Variants in SOX6 observed in about 807,000 individuals in gnomAD.
SOX6 encodes transcription factor SOX-6.
A neutral mutation model predicts 97.8 loss-of-function variants in SOX6; 11 were observed. The ratio of observed to expected loss-of-function variants is 0.11; its 90% confidence interval spans 0.07 to 0.19. The LOEUF (loss-of-function observed/expected upper bound fraction) is 0.19, where lower values mean the gene tolerates loss of function less well. Ranked by LOEUF, SOX6 falls within the 10% of genes least tolerant of loss-of-function variation. The probability of loss-of-function intolerance (pLI) is 1.00; values close to 1 mark genes in which losing one functional copy is unlikely to be tolerated. For synonymous variants in SOX6, 360 were observed against 371.4 expected, an observed-to-expected ratio of 0.97 and a Z score of 0.35; for missense variants, 810 against 1,039.5, an observed-to-expected ratio of 0.78 and a Z score of 3.04.
intron 9 of SOX6, among the ~76,000 whole-genome samples, chr11:16,092,957 A>G (rs1200653931): frequency 1.3e-5 from 2 of 151,906 alleles, no homozygotes; most frequent in African/African-American, 4.8e-5. Flanking sequence ...CTGCCTCATT[A>G]TACTGGTTCC....
chr11:16,399,255 A>T (rs1858473754), intron 1 of SOX6, among the ~76,000 whole-genome samples: 1 of 151,480 alleles, frequency 6.6e-6, no homozygotes, highest in African/African-American at 2.4e-5. Flanking sequence ...ATAAGGGATT[A>T]CTGTAGCTAT....
chr11:16,186,390 G>T (rs1851475626), intron 5 of SOX6, among the ~76,000 whole-genome samples: 2 of 152,144 alleles, frequency 1.3e-5, no homozygotes, highest in Non-Finnish European at 2.9e-5. Flanking sequence ...TGAGCTAAAA[G>T]ATTCCCAAAG....
chr11:16,660,354 C>T (rs1172333813), intron 3 of SOX6, among the ~76,000 whole-genome samples: 1 of 152,074 alleles, frequency 6.6e-6, no homozygotes, highest in African/African-American at 2.4e-5. Context: ...TTCTTTGACC[C>T]ATGTGTTATT....
intron 3 of SOX6, among the ~76,000 whole-genome samples, chr11:16,635,255 G>T (rs116595243): frequency 0.015 from 2,262 of 152,246 alleles, 56 homozygotes; most frequent in African/African-American, 0.049. Flanking sequence ...AGAAACTCTG[G>T]AGGTTCCTAG....
At position 16,111,904 on chromosome 11, in the gene SOX6, G is replaced by A. The variant is rs1590203641; in HGVS notation, c.797C>T (p.Pro266Leu). 3.1e-6 allele frequency: 5 copies of A among 1,612,340 alleles called. No individual in the cohort carries two copies. The highest frequency in any genetic ancestry group is 3.4e-6 in the Non-Finnish European group (4 of 1,179,888). Residue 266 changes from proline to leucine, a missense_variant, in exon 7 of 16, where the codon CCG becomes CTG. Pro to Leu is a moderately conservative substitution (Grantham distance 98). Coordinates refer to ENST00000683767, the MANE Select transcript of SOX6 (RefSeq NM_001367873.1). ...ATGTGGAAAAATTGGGATCATGAGC[G>A]GAGGCATGTGACCCTGAACCTGCTA... ...QQIQVQGHMP[P>L]LMIPIFPHDQ...
intron 3 of SOX6, among the ~76,000 whole-genome samples, chr11:16,668,286 T>G (rs915190916): frequency 6.6e-6 from 1 of 151,744 alleles, no homozygotes; most frequent in African/African-American, 2.4e-5. Context: ...GGCAGGAGAA[T>G]TGCTTGAACA....
At chr11:16,010,415 A>G (rs1854683922) in intron 13 of SOX6, among the ~76,000 whole-genome samples, 1 of 152,026 alleles carries the variant, frequency 6.6e-6, no homozygotes, top group South Asian at 2.1e-4. Flanking sequence ...TTCAGAGCTC[A>G]TCCATAAATG....
chr11:16,161,336 GAT>G (rs1850744988), intron 6 of SOX6, among the ~76,000 whole-genome samples: 1 of 149,252 alleles, frequency 6.7e-6, no homozygotes, highest in African/African-American at 2.5e-5. Flanking sequence ...ATATATATCA[GAT>G]ATATATGTCT....
chr11:16,044,389 A>T (rs1380935047), intron 12 of SOX6, among the ~76,000 whole-genome samples: 1 of 152,210 alleles, frequency 6.6e-6, no homozygotes, highest in African/African-American at 2.4e-5. Flanking sequence ...GATTATTCCA[A>T]CGTGAATAAC....
chr11:16,197,004 T>G (rs1185069338), intron 4 of SOX6, among the ~76,000 whole-genome samples: 1 of 151,966 alleles, frequency 6.6e-6, no homozygotes, highest in African/African-American at 2.4e-5. Flanking sequence ...TGGCTAATTT[T>G]TGTATATTTA....
chr11:16,067,296 A>ATTGTAGT (rs2133937358), intron 9 of SOX6, among the ~76,000 whole-genome samples: 1 of 152,250 alleles, frequency 6.6e-6, no homozygotes, highest in Non-Finnish European at 1.5e-5. Context: ...TTCATCTTGA[A>ATTGTAGT]TTGTAGTTCC....
At chr11:16,638,918 G>A (rs1448678825) in intron 3 of SOX6, among the ~76,000 whole-genome samples, 1 of 152,130 alleles carries the variant, frequency 6.6e-6, no homozygotes, top group African/African-American at 2.4e-5. Flanking sequence ...AAGCTCTTTA[G>A]TTTAATTAGA....
intron 1 of SOX6, among the ~76,000 whole-genome samples, chr11:16,376,604 G>T (rs1402499593): frequency 6.6e-6 from 1 of 152,108 alleles, no homozygotes; most frequent in Non-Finnish European, 1.5e-5. Flanking sequence ...TGCAAATTGA[G>T]TTTTAAAATC....
chr11:16,357,710 C>A (rs1857110581), upstream of SOX6, among the ~76,000 whole-genome samples: 1 of 152,146 alleles, frequency 6.6e-6, no homozygotes. Flanking sequence ...CAAACCAAGC[C>A]ACACCTAAAC....
chr11:16,507,705 T>A (rs1013397281), intron 4 of SOX6, among the ~76,000 whole-genome samples: 19 of 152,258 alleles, frequency 1.2e-4, no homozygotes, highest in African/African-American at 4.6e-4. Flanking sequence ...GAAAATTGGA[T>A]ATCCATATGC....
intron 3 of SOX6, among the ~76,000 whole-genome samples, chr11:16,262,320 A>G (rs1453863418): frequency 6.6e-6 from 1 of 152,088 alleles, no homozygotes; most frequent in East Asian, 1.9e-4. Flanking sequence ...GTCTAAATGA[A>G]TATAGGAACA....
upstream of SOX6, among the ~76,000 whole-genome samples, chr11:16,358,178 A>C (rs1857120128): frequency 6.6e-6 from 1 of 152,166 alleles, no homozygotes; most frequent in Non-Finnish European, 1.5e-5. Flanking sequence ...GATGACTCTG[A>C]CCACATTAGA....
chr11:16,200,146 T>A (rs1207774280), intron 4 of SOX6, among the ~76,000 whole-genome samples: 8 of 151,922 alleles, frequency 5.3e-5, no homozygotes, highest in Non-Finnish European at 1.0e-4. Context: ...ATACTTTAGA[T>A]AAAAAACAAG....
chr11:16,616,551 A>G (rs1008915317), intron 3 of SOX6, among the ~76,000 whole-genome samples: 6 of 151,978 alleles, frequency 3.9e-5, no homozygotes, highest in Non-Finnish European at 4.4e-5. Context: ...ATTCATGCTT[A>G]AATATTTACT....
Sources: allele counts gnomAD v4.1 joint callset (sites outside exome capture counted in the v4.1 genomes callset), GRCh38; gene constraint gnomAD v4.1.1; transcripts MANE v1.5; gene names NCBI Gene and HGNC (gene_info 2026-07-23, HGNC 2026-07-21).